The following SGSM1 variants were observed in gnomAD, a reference collection of about 807,000 sequenced individuals.
SGSM1 encodes the protein small G protein signaling modulator 1.
A neutral mutation model predicts 133.8 loss-of-function variants in SGSM1; 73 were observed. The ratio of observed to expected loss-of-function variants is 0.55; its 90% CI spans 0.45 to 0.66. SGSM1 has a LOEUF of 0.66. SGSM1 is among the 30% of genes least tolerant of loss of function. The pLI, the probability that SGSM1 is intolerant of heterozygous loss-of-function variation, is 0.00. For synonymous variants in SGSM1, 563 were observed against 573.0 expected, an observed-to-expected ratio of 0.98 and a Z score of 0.25; for missense variants, 1,213 against 1,448.1, an observed-to-expected ratio of 0.84 and a Z score of 2.64.
chr22:24,821,972 G>A (rs1394849687), intron 2 of SGSM1, among the ~76,000 whole-genome samples: 1 of 152,004 alleles, frequency 6.6e-6, no homozygotes, highest in Non-Finnish European at 1.5e-5. Context: ...TCTTGGTGCT[G>A]TGCGTTGTGT....
At chr22:24,867,786 A>G (rs1003919982) in intron 10 of SGSM1, among the ~76,000 whole-genome samples, 1 of 152,210 alleles carries the variant, frequency 6.6e-6, no homozygotes, top group Non-Finnish European at 1.5e-5. Flanking sequence ...AGCCTTTTAC[A>G]TGAGACAGAC....
intron 12 of SGSM1, among the ~76,000 whole-genome samples, chr22:24,875,956 T>C (rs55881174): frequency 0.019 from 2,889 of 152,338 alleles, 132 homozygotes; most frequent in Admixed American, 0.12. Flanking sequence ...GAGAGCTCTG[T>C]CTCTAGGATT....
rs1419264412 is a variant in SGSM1, at chr22:24,811,356, G to A, written c.63+4872G>A. On this transcript the variant is annotated intron_variant, in intron 2 of 24. Transcript: ENST00000400358. ...TCACTTCTCTAGGCTAATTTGATAC[G>A]AATGTACTGTTCTTGAACAACTCAT... is the stretch of plus-strand genomic sequence containing the variant. 3.9e-5 allele frequency among the ~76,000 whole-genome samples: 6 copies of A among 151,978 alleles called. No individual in the cohort carries two copies. The South Asian group carries it at 8.3e-4, about 21-fold the overall frequency.
chr22:24,863,929 C>A (rs1461277297), intron 9 of SGSM1, among the ~76,000 whole-genome samples: 2 of 151,688 alleles, frequency 1.3e-5, no homozygotes, highest in African/African-American at 2.4e-5. Flanking sequence ...TTAGTAGAGA[C>A]GGGGTTTTTC....
At chr22:24,862,338 C>T (rs942190922) in intron 9 of SGSM1, among the ~76,000 whole-genome samples, 1 of 152,248 alleles carries the variant, frequency 6.6e-6, no homozygotes, top group East Asian at 1.9e-4. Flanking sequence ...TTATCTTAAA[C>T]CTTGGTCTAA....
At chr22:24,858,470 A>G (rs143479090) in intron 8 of SGSM1, among the ~76,000 whole-genome samples, 7 of 150,516 alleles carry the variant, frequency 4.7e-5, no homozygotes, top group African/African-American at 1.5e-4. Flanking sequence ...TATCTTTACT[A>G]AAAAAAAATA....
chr22:24,857,557 C>T (rs1380939748), intron 8 of SGSM1, among the ~76,000 whole-genome samples: 1 of 151,946 alleles, frequency 6.6e-6, no homozygotes, highest in East Asian at 1.9e-4. Flanking sequence ...GTTTTTTAAT[C>T]TATATCACTT....
chr22:24,890,702 G>A (rs147901979), intron 16 of SGSM1, among the ~76,000 whole-genome samples: 2,531 of 152,100 alleles, frequency 0.017, 22 homozygotes, highest in Middle Eastern at 0.027. Context: ...CACCACGTCC[G>A]GCTAATGTTT....
intron 14 of SGSM1, 148 bp from the exon 15 acceptor site, chr22:24,883,905 A>G (rs1187712573): frequency 1.8e-5 from 17 of 940,890 alleles, no homozygotes; most frequent in African/African-American, 3.3e-5. Context: ...GCAGTGAGCC[A>G]TGATAATAAT....
chr22:24,897,714 C>G (rs1371457323), intron 18 of SGSM1, among the ~76,000 whole-genome samples: 2 of 152,232 alleles, frequency 1.3e-5, no homozygotes, highest in African/African-American at 4.8e-5. Context: ...AGCAGTCCAC[C>G]TGCCTTGGCC....
chr22:24,847,932 T>TTCCACCC (rs1930243315), intron 4 of SGSM1, 136 bp downstream of exon 4: 1 of 1,232,144 alleles, frequency 8.1e-7, no homozygotes, highest in African/African-American at 1.6e-5. Context: ...CCAGACTCTT[T>TTCCACCC]CCCACCCCAG....
chr22:24,905,063 C>A, intron 20 of SGSM1, 42 bp from the exon 21 acceptor site: 1 of 1,574,030 alleles, frequency 6.4e-7, no homozygotes, highest in African/African-American at 1.3e-5. Context: ...GTTGGAGAGG[C>A]AGGCCACGGC....
At chr22:24,858,526 C>T (rs1435095456) in intron 8 of SGSM1, among the ~76,000 whole-genome samples, 1 of 151,638 alleles carries the variant, frequency 6.6e-6, no homozygotes, top group African/African-American at 2.4e-5. Flanking sequence ...ATCCCCACTA[C>T]TCGGGAAGTT....
intron 2 of SGSM1, among the ~76,000 whole-genome samples, chr22:24,817,627 A>G (rs1313134920): frequency 1.3e-5 from 2 of 152,158 alleles, no homozygotes; most frequent in Non-Finnish European, 2.9e-5. Context: ...CTGGGATTAC[A>G]GGCGTGAGCC....
At chr22:24,847,210 A>G (rs1474821523) in intron 3 of SGSM1, among the ~76,000 whole-genome samples, 1 of 152,168 alleles carries the variant, frequency 6.6e-6, no homozygotes, top group Non-Finnish European at 1.5e-5. Context: ...AGTGTTTTCT[A>G]ACTCAAAAAA....
chr22:24,883,684 C>A (rs1217904255), intron 14 of SGSM1, among the ~76,000 whole-genome samples: 2 of 152,108 alleles, frequency 1.3e-5, no homozygotes, highest in African/African-American at 4.8e-5. Flanking sequence ...GGGCCAGGTG[C>A]AGTGGTTTGT....
At chr22:24,884,474 G>A (rs1227712083) in intron 15 of SGSM1, among the ~76,000 whole-genome samples, 1 of 152,190 alleles carries the variant, frequency 6.6e-6, no homozygotes, top group Non-Finnish European at 1.5e-5. Context: ...AGCATCAGCT[G>A]GGATGGGCAC....
intron 12 of SGSM1, among the ~76,000 whole-genome samples, chr22:24,874,180 G>A (rs1444469706): frequency 6.6e-6 from 1 of 152,174 alleles, no homozygotes; most frequent in African/African-American, 2.4e-5. Flanking sequence ...AACAATAACT[G>A]GTTTCCTTAG....
intron 2 of SGSM1, among the ~76,000 whole-genome samples, chr22:24,835,831 C>A (rs555383111): frequency 1.3e-5 from 2 of 152,112 alleles, no homozygotes; most frequent in East Asian, 3.9e-4. Flanking sequence ...GGTTGTCACT[C>A]TGGGTGAGAC....
Sources: allele counts gnomAD v4.1 joint callset (sites outside exome capture counted in the v4.1 genomes callset), GRCh38; gene constraint gnomAD v4.1.1; transcripts MANE v1.5; gene names NCBI Gene and HGNC (gene_info 2026-07-23, HGNC 2026-07-21).